The following DAAM1 variants were observed in gnomAD, a reference collection of about 807,000 sequenced individuals.
DAAM1 encodes the protein dishevelled associated activator of morphogenesis 1.
A neutral mutation model predicts 130.0 loss-of-function variants in DAAM1; 52 were observed. The observed-to-expected ratio is 0.40, with a 90% CI of 0.32 to 0.50. The LOEUF is 0.50. Among genes scored for constraint, DAAM1 ranks in the 20% least tolerant of loss-of-function variants. The probability of loss-of-function intolerance (pLI) is 0.61; values close to 1 mark genes in which losing one functional copy is unlikely to be tolerated. For missense variants in DAAM1, 1,134 were observed against 1,303.8 expected (o/e 0.87, Z 2.01); for synonymous variants, 452 against 444.5 (o/e 1.02, Z -0.21).
intron 23 of DAAM1, 137 bp from the exon 24 acceptor site, chr14:59,367,292 A>G: frequency 3.6e-6 from 5 of 1,390,294 alleles, no homozygotes; most frequent in Non-Finnish European, 4.7e-6. Flanking sequence ...TCTCCAAAAG[A>G]AAGAAAGAAA....
At chr14:59,243,479 C>A (rs1035003428) in intron 1 of DAAM1, among the ~76,000 whole-genome samples, 1 of 152,108 alleles carries the variant, frequency 6.6e-6, no homozygotes, top group Non-Finnish European at 1.5e-5. Context: ...CAGTCATTTC[C>A]AGCCCTGAGT....
chr14:59,239,454 C>T (rs1889409240), intron 1 of DAAM1, among the ~76,000 whole-genome samples: 1 of 152,142 alleles, frequency 6.6e-6, no homozygotes, highest in Non-Finnish European at 1.5e-5. Context: ...AAGAGCAGAA[C>T]ACTCAGTTTT....
chr14:59,232,302 AATGT>A (rs1889133007), intron 1 of DAAM1, among the ~76,000 whole-genome samples: 1 of 152,148 alleles, frequency 6.6e-6, no homozygotes, highest in Admixed American at 6.5e-5. Flanking sequence ...GTTCTTCCTA[AATGT>A]ATACTGGTCA....
intron 1 of DAAM1, among the ~76,000 whole-genome samples, chr14:59,251,940 T>G (rs1881662293): frequency 6.6e-6 from 1 of 152,126 alleles, no homozygotes; most frequent in Admixed American, 6.6e-5. Context: ...CGAGGTGTGG[T>G]GTAGTGCTGG....
chr14:59,302,837 A>G (rs1370702788), intron 3 of DAAM1, among the ~76,000 whole-genome samples: 1 of 152,014 alleles, frequency 6.6e-6, no homozygotes, highest in Non-Finnish European at 1.5e-5. Context: ...TATTTTTAGT[A>G]GAGATGGGGT....
intron 1 of DAAM1, among the ~76,000 whole-genome samples, chr14:59,189,597 G>C (rs117140194): frequency 6.6e-6 from 1 of 152,180 alleles, no homozygotes; most frequent in South Asian, 2.1e-4. Flanking sequence ...GTGGTAGCGC[G>C]GGGGTGGAGG....
intron 2 of DAAM1, among the ~76,000 whole-genome samples, chr14:59,267,973 G>T (rs1422549941): frequency 2.0e-5 from 3 of 147,402 alleles, no homozygotes; most frequent in Non-Finnish European, 3.0e-5. Context: ...TGCGATCTCG[G>T]CTCACTGCAA....
In DAAM1 at chr14:59,293,391, C is replaced by A. The variant is rs188234038; in HGVS notation, c.273+2085C>A. Among the ~76,000 whole-genome samples the A allele has an allele frequency of 2.0e-5, 3 of 152,310 alleles. No homozygotes were observed. In the South Asian group the frequency reaches 6.2e-4, roughly 32 times the overall value. ...CTCATTTTTCAATTTCCACACCTATCGAATCCCCTTGAAAACCTCATCTCA... is the reference window on the plus strand; with the variant it reads ...CTCATTTTTCAATTTCCACACCTATAGAATCCCCTTGAAAACCTCATCTCA... On this transcript the variant is annotated intron_variant, in intron 3 of 24. Transcript: ENST00000360909.
rs149475378 is a variant in DAAM1 at position 59,198,162 on chromosome 14, G to A, written c.-38+9394G>A. 1.7e-3 allele frequency among the ~76,000 whole-genome samples: 255 copies of A among 149,694 alleles called. 1 individual carries two copies. Among genetic ancestry groups the A allele is most frequent in the Middle Eastern group, 6.9e-3 (2 of 290 alleles). ...ACATTCACATTGGGGCTTCCTTCTT[G>A]TGTTTCCATTTGCTGATTTGCCTTT... On this transcript the variant is annotated intron_variant, in intron 1 of 24. Coordinates refer to ENST00000360909, the MANE Select transcript of DAAM1 (RefSeq NM_001270520.2).
intron 4 of DAAM1, among the ~76,000 whole-genome samples, chr14:59,320,029 A>G (rs1884948232): frequency 1.3e-5 from 2 of 152,204 alleles, no homozygotes; most frequent in Non-Finnish European, 2.9e-5. Context: ...CTATCCTAGT[A>G]ATAGCTCCAA....
chr14:59,359,565 G>T, intron 21 of DAAM1, 61 bp downstream of exon 21: 1 of 1,349,636 alleles, frequency 7.4e-7, no homozygotes, highest in South Asian at 1.2e-5. Flanking sequence ...TAGCCATTGA[G>T]GTAGTTTGCA....
intron 14 of DAAM1, 133 bp downstream of exon 14, chr14:59,331,641 C>G: frequency 6.6e-7 from 1 of 1,504,450 alleles, no homozygotes; most frequent in Non-Finnish European, 8.9e-7. Flanking sequence ...CTCACTAGCT[C>G]AGATATTTAA....
intron 1 of DAAM1, among the ~76,000 whole-genome samples, chr14:59,247,400 T>A (rs1432499119): frequency 1.3e-5 from 2 of 152,174 alleles, no homozygotes; most frequent in Non-Finnish European, 2.9e-5. Flanking sequence ...CCTTCCTGGA[T>A]GGATTTTTCT....
chr14:59,217,709 A>G (rs1398092676), intron 1 of DAAM1, among the ~76,000 whole-genome samples: 1 of 152,100 alleles, frequency 6.6e-6, no homozygotes, highest in African/African-American at 2.4e-5. Flanking sequence ...ACAGTGGCTC[A>G]TGCCTGTAAT....
At chr14:59,198,293 C>G (rs1237275649) in intron 1 of DAAM1, among the ~76,000 whole-genome samples, 1 of 151,440 alleles carries the variant, frequency 6.6e-6, no homozygotes, top group African/African-American at 2.4e-5. Flanking sequence ...GCAACCTCCG[C>G]CTCCTGTGTT....
At position 59,278,352 on chromosome 14, in the gene DAAM1, A is replaced by T. The variant is rs965399572; in HGVS notation, c.184-12865A>T. Among the ~76,000 whole-genome samples the T allele has an allele frequency of 3.0e-4, 46 of 152,184 alleles. 1 individual carries two copies. Among genetic ancestry groups the T allele is most frequent in the Non-Finnish European group, 6.2e-4 (42 of 68,032 alleles). On this transcript the variant is annotated intron_variant, in intron 2 of 24. Coordinates refer to ENST00000360909, the MANE Select transcript of DAAM1 (RefSeq NM_001270520.2). ...GATATTCATGACTAATGAGCAAGGA[A>T]TGTATACAGCCTGAATATGCTGGAC... is the stretch of plus-strand genomic sequence containing the variant.
At chr14:59,323,451 TGTG>T (rs1885095800) in intron 6 of DAAM1, among the ~76,000 whole-genome samples, 1 of 152,166 alleles carries the variant, frequency 6.6e-6, no homozygotes, top group South Asian at 2.1e-4. Context: ...AACTTGAAAA[TGTG>T]GTCTTGCATC....
chr14:59,253,676 C>T (rs1391271824), intron 1 of DAAM1, among the ~76,000 whole-genome samples: 1 of 152,142 alleles, frequency 6.6e-6, no homozygotes, highest in Admixed American at 6.5e-5. Flanking sequence ...CAATAAAATG[C>T]CTCCATGATA....
intron 22 of DAAM1, chr14:59,362,695 C>A (rs1450279422): frequency 1.3e-5 from 2 of 151,470 alleles, no homozygotes; most frequent in Admixed American, 1.3e-4. Context: ...TGGTTAAGAA[C>A]CAAATCAGTG....
Sources: allele counts gnomAD v4.1 joint callset (sites outside exome capture counted in the v4.1 genomes callset), GRCh38; gene constraint gnomAD v4.1.1; transcripts MANE v1.5; gene names NCBI Gene and HGNC (gene_info 2026-07-23, HGNC 2026-07-21).